The following CAMKMT variants were observed in gnomAD, a reference collection of about 807,000 sequenced individuals.
The protein encoded by CAMKMT is calmodulin-lysine N-methyltransferase.
CAMKMT carries 53 observed loss-of-function variants against 48.0 expected under a neutral mutation model. That is an observed-to-expected ratio of 1.10 (90% CI 0.89 to 1.39). The LOEUF (loss-of-function observed/expected upper bound fraction) is 1.39, where lower values mean the gene tolerates loss of function less well. Ranked by LOEUF, CAMKMT falls within the 40% of genes most tolerant of loss-of-function variation. CAMKMT has a pLI of 0.00. For missense variants in CAMKMT, 428 were observed against 402.7 expected (o/e 1.06, Z -0.54); for synonymous variants, 165 against 152.3 (o/e 1.08, Z -0.61).
chr2:44,435,877 A>T (rs1292491053), intron 3 of CAMKMT, among the ~76,000 whole-genome samples: 2 of 152,296 alleles, frequency 1.3e-5, no homozygotes, highest in African/African-American at 2.4e-5. Flanking sequence ...TGTCTAATGG[A>T]GCACGACATA....
intron 6 of CAMKMT, among the ~76,000 whole-genome samples, chr2:44,712,049 G>C (rs979885368): frequency 2.0e-5 from 3 of 151,950 alleles, no homozygotes; most frequent in African/African-American, 7.3e-5. Context: ...CATAACAATT[G>C]GCATTGCTAA....
At chr2:44,625,362 T>A (rs573500891) in intron 3 of CAMKMT, among the ~76,000 whole-genome samples, 1 of 152,294 alleles carries the variant, frequency 6.6e-6, no homozygotes, top group African/African-American at 2.4e-5. Context: ...TAAATTGCAA[T>A]AATTCTGTAT....
intron 10 of CAMKMT, among the ~76,000 whole-genome samples, chr2:44,768,408 G>T (rs1370124625): frequency 6.7e-6 from 1 of 149,022 alleles, no homozygotes; most frequent in Admixed American, 6.7e-5. Flanking sequence ...CTGGTGTGGG[G>T]TTCTGCTTCT....
chr2:44,723,222 A>C (rs1678568943), intron 7 of CAMKMT, among the ~76,000 whole-genome samples: 1 of 152,178 alleles, frequency 6.6e-6, no homozygotes, highest in Non-Finnish European at 1.5e-5. Context: ...TGGAGCCCTC[A>C]CGTGGGGACC....
At chr2:44,611,488 AATT>A (rs1461545864) in intron 3 of CAMKMT, among the ~76,000 whole-genome samples, 3 of 151,790 alleles carry the variant, frequency 2.0e-5, no homozygotes, top group Non-Finnish European at 4.4e-5. Flanking sequence ...AATACAGAAC[AATT>A]TTGACTACAA....
chr2:44,483,592 A>G (rs1669078291), intron 3 of CAMKMT, among the ~76,000 whole-genome samples: 1 of 152,234 alleles, frequency 6.6e-6, no homozygotes, highest in Admixed American at 6.5e-5. Flanking sequence ...TTTGCTTGTA[A>G]TTTGAGTATT....
At chr2:44,583,141 A>G (rs1669655067) in intron 3 of CAMKMT, among the ~76,000 whole-genome samples, 1 of 152,188 alleles carries the variant, frequency 6.6e-6, no homozygotes, top group South Asian at 2.1e-4. Flanking sequence ...ATTGCTCACT[A>G]CTATGCTTTG....
intron 3 of CAMKMT, among the ~76,000 whole-genome samples, chr2:44,615,572 A>C (rs941855908): frequency 6.6e-6 from 1 of 152,110 alleles, no homozygotes; most frequent in African/African-American, 2.4e-5. Context: ...TTCACTGAGG[A>C]GGGTACAGTT....
Position 44,448,344 on chromosome 2 carries a change from T to C in CAMKMT, c.376+58039T>C, listed in dbSNP as rs182480999. 2.6e-5 allele frequency among the ~76,000 whole-genome samples: 4 copies of C among 152,348 alleles called. No homozygotes were observed. The East Asian group carries it at 5.8e-4, about 22-fold the overall frequency. Reference sequence around the variant, plus strand: ...GTGTTGTTCAAGGGTCAGCTATCTATAGTATTGCATGATAAATATCCACTA... The same window carrying C: ...GTGTTGTTCAAGGGTCAGCTATCTACAGTATTGCATGATAAATATCCACTA... On this transcript the variant is annotated intron_variant, in intron 3 of 10. Transcript: ENST00000378494.
intron 2 of CAMKMT, among the ~76,000 whole-genome samples, chr2:44,381,799 G>A (rs950537398): frequency 2.0e-5 from 3 of 152,082 alleles, no homozygotes; most frequent in African/African-American, 7.2e-5. Context: ...TGAAGGCTGC[G>A]TACCAAAATT....
intron 3 of CAMKMT, among the ~76,000 whole-genome samples, chr2:44,654,806 C>T (rs927882427): frequency 2.0e-5 from 3 of 152,170 alleles, no homozygotes; most frequent in South Asian, 2.1e-4. Context: ...TGAGCCACTG[C>T]GCCCGGCCTA....
chr2:44,417,414 T>A (rs1283184269), intron 3 of CAMKMT, among the ~76,000 whole-genome samples: 1 of 151,944 alleles, frequency 6.6e-6, no homozygotes, highest in Non-Finnish European at 1.5e-5. Flanking sequence ...AAAATAAAAA[T>A]GAAAAATAAA....
intron 3 of CAMKMT, among the ~76,000 whole-genome samples, chr2:44,519,717 GCCGGGCA>G (rs1558672409): frequency 6.6e-6 from 1 of 152,142 alleles, no homozygotes; most frequent in Non-Finnish European, 1.5e-5. Context: ...TTTACTATGT[GCCGGGCA>G]CTGTGCTTCA....
At chr2:44,410,817 A>G (rs1244263468) in intron 3 of CAMKMT, among the ~76,000 whole-genome samples, 1 of 151,638 alleles carries the variant, frequency 6.6e-6, no homozygotes, top group East Asian at 1.9e-4. Context: ...AAGAGGTTAA[A>G]AACAAACAAA....
intron 3 of CAMKMT, among the ~76,000 whole-genome samples, chr2:44,525,024 A>G (rs1402283432): frequency 6.6e-6 from 1 of 152,116 alleles, no homozygotes; most frequent in Non-Finnish European, 1.5e-5. Context: ...TTCATTAAAT[A>G]TTCATTTAAA....
chr2:44,561,581 A>G (rs1365607945), intron 3 of CAMKMT, among the ~76,000 whole-genome samples: 1 of 152,032 alleles, frequency 6.6e-6, no homozygotes, highest in Non-Finnish European at 1.5e-5. Context: ...TAATATTCCC[A>G]TTTACTCTCA....
In CAMKMT at chr2:44,759,360, A is replaced by G. The variant is rs1416157755; in HGVS notation, c.762+5242A>G. Among the ~76,000 whole-genome samples, 5 of 152,106 alleles carry G rather than the reference A, an allele frequency of 3.3e-5. No homozygotes were observed. In the South Asian group the frequency reaches 6.2e-4, roughly 19 times the overall value. ...GGTCTTGAACTCCTGGGCTCAAGCAATCCTCCTCCTTGGCCTCCCAAAGTG... is the reference window on the plus strand; with the variant it reads ...GGTCTTGAACTCCTGGGCTCAAGCAGTCCTCCTCCTTGGCCTCCCAAAGTG... On this transcript the variant is annotated intron_variant, in intron 9 of 10. Transcript: ENST00000378494.
intron 3 of CAMKMT, among the ~76,000 whole-genome samples, chr2:44,550,330 C>T (rs1667637994): frequency 6.6e-6 from 1 of 150,868 alleles, no homozygotes; most frequent in Non-Finnish European, 1.5e-5. Flanking sequence ...GTTGAGGATT[C>T]AGTGACCTAT....
chr2:44,519,120 C>T (rs1312896459), intron 3 of CAMKMT, among the ~76,000 whole-genome samples: 1 of 152,148 alleles, frequency 6.6e-6, no homozygotes, highest in Non-Finnish European at 1.5e-5. Context: ...AATGCTATCA[C>T]AAACCACCAT....
Sources: allele counts gnomAD v4.1 joint callset (sites outside exome capture counted in the v4.1 genomes callset), GRCh38; gene constraint gnomAD v4.1.1; transcripts MANE v1.5; gene names NCBI Gene and HGNC (gene_info 2026-07-23, HGNC 2026-07-21).